The following PDE10A variants were observed in gnomAD, a reference collection of about 807,000 sequenced individuals.
The protein encoded by PDE10A is phosphodiesterase 10A.
PDE10A carries 39 observed loss-of-function variants against 97.7 expected under a neutral mutation model. That is an observed-to-expected ratio of 0.40 (90% CI 0.31 to 0.52). PDE10A has a LOEUF of 0.52. Ranked by LOEUF, PDE10A falls within the 20% of genes least tolerant of loss-of-function variation. PDE10A has a pLI of 0.56. For missense variants in PDE10A, 731 were observed against 1,047.8 expected (o/e 0.70, Z 4.17); for synonymous variants, 371 against 376.8 (o/e 0.98, Z 0.18).
intron 2 of PDE10A, among the ~76,000 whole-genome samples, chr6:165,535,282 GCA>G (rs1192451941): frequency 6.6e-6 from 1 of 151,612 alleles, no homozygotes; most frequent in East Asian, 1.9e-4. Context: ...CAGATACACT[GCA>G]CAGTGGTGAG....
intron 1 of PDE10A, among the ~76,000 whole-genome samples, chr6:165,830,409 C>T (rs1024375080): frequency 6.6e-5 from 10 of 152,168 alleles, no homozygotes; most frequent in African/African-American, 2.4e-4. Context: ...GAATACATTC[C>T]AAAGCCAGGC....
At chr6:165,665,548 T>C (rs1790477314), upstream of PDE10A, among the ~76,000 whole-genome samples, 1 of 152,212 alleles carries the variant, frequency 6.6e-6, no homozygotes, top group African/African-American at 2.4e-5. Context: ...CAAAAGGTTA[T>C]TATACTATAG....
At chr6:165,713,189 A>G (rs1791944556) in intron 1 of PDE10A, among the ~76,000 whole-genome samples, 1 of 152,192 alleles carries the variant, frequency 6.6e-6, no homozygotes, top group African/African-American at 2.4e-5. Context: ...GGAGCAGATC[A>G]CGAGTGCCCG....
chr6:165,792,034 C>G (rs1290606798), intron 1 of PDE10A, among the ~76,000 whole-genome samples: 2 of 152,206 alleles, frequency 1.3e-5, no homozygotes, highest in African/African-American at 4.8e-5. Context: ...CAGGCCCCCG[C>G]ACGCAGCCCA....
At chr6:165,912,087 A>G (rs1208473262) in intron 1 of PDE10A, among the ~76,000 whole-genome samples, 1 of 151,704 alleles carries the variant, frequency 6.6e-6, no homozygotes, top group Admixed American at 6.6e-5. Context: ...ATCATCTATC[A>G]TCTATAAATC....
chr6:165,962,912 T>C (rs777553248), intron 1 of PDE10A, among the ~76,000 whole-genome samples: 36 of 152,198 alleles, frequency 2.4e-4, no homozygotes, highest in East Asian at 5.8e-4. Context: ...TTAGGTGCCA[T>C]ACATTGAACC....
In PDE10A at chr6:165,824,541, C is replaced by T. The variant is rs568744657; in HGVS notation, c.-615+162988G>A. ...ATGCTTATTCATCTAATCTATCAAA[C>T]GTTTATGATCCCAATGAGGCAGAAA... is the stretch of plus-strand genomic sequence containing the variant. On this transcript the variant is annotated intron_variant, in intron 1 of 19. Transcript: ENST00000366882. Among the ~76,000 whole-genome samples, 19 of 152,298 alleles carry T rather than the reference C, an allele frequency of 1.2e-4. No individual in the cohort carries two copies. The South Asian group carries it at 1.9e-3, about 15-fold the overall frequency.
At chr6:165,641,024 T>A (rs913368018) in intron 1 of PDE10A, among the ~76,000 whole-genome samples, 1 of 152,164 alleles carries the variant, frequency 6.6e-6, no homozygotes, top group African/African-American at 2.4e-5. Context: ...TGGCCAGCCC[T>A]TCAGCTCCTT....
intron 1 of PDE10A, among the ~76,000 whole-genome samples, chr6:165,551,261 C>A (rs1784000749): frequency 6.6e-6 from 1 of 152,148 alleles, no homozygotes; most frequent in Non-Finnish European, 1.5e-5. Flanking sequence ...CTTTCAGAAT[C>A]CCAAAATTCA....
chr6:165,481,492 T>C (rs1284767940), intron 3 of PDE10A, among the ~76,000 whole-genome samples: 2 of 152,176 alleles, frequency 1.3e-5, no homozygotes, highest in African/African-American at 4.8e-5. Context: ...TATATCTGCA[T>C]ATGTGATTCT....
At chr6:165,601,615 C>A (rs1786954620) in intron 1 of PDE10A, among the ~76,000 whole-genome samples, 1 of 152,122 alleles carries the variant, frequency 6.6e-6, no homozygotes, top group African/African-American at 2.4e-5. Context: ...TCTTTAGATG[C>A]CACAGCCCCC....
At chr6:165,340,136 C>A (rs1364244711) in intron 19 of PDE10A, among the ~76,000 whole-genome samples, 1 of 152,160 alleles carries the variant, frequency 6.6e-6, no homozygotes, top group Admixed American at 6.5e-5. Flanking sequence ...AATATTATTT[C>A]ATTTAATCCT....
intron 1 of PDE10A, among the ~76,000 whole-genome samples, chr6:165,605,832 A>T (rs1583631471): frequency 6.6e-6 from 1 of 152,236 alleles, no homozygotes; most frequent in East Asian, 1.9e-4. Flanking sequence ...GGAGAGAGAC[A>T]CTTGTCCAAG....
chr6:165,386,190 A>G (rs2128211435), intron 17 of PDE10A, among the ~76,000 whole-genome samples: 1 of 151,794 alleles, frequency 6.6e-6, no homozygotes, highest in East Asian at 1.9e-4. Context: ...ACCACCCTAA[A>G]CCTCCATTTT....
intron 1 of PDE10A, among the ~76,000 whole-genome samples, chr6:165,557,202 G>A (rs981392641): frequency 1.3e-5 from 2 of 152,124 alleles, no homozygotes; most frequent in Admixed American, 6.6e-5. Flanking sequence ...ACTGTCTTGA[G>A]AGAGATTAAA....
intron 2 of PDE10A, among the ~76,000 whole-genome samples, chr6:165,502,387 C>T (rs912715891): frequency 6.6e-6 from 1 of 152,160 alleles, no homozygotes; most frequent in Non-Finnish European, 1.5e-5. Context: ...AACTAAAACA[C>T]ATAAAATTCT....
At chr6:165,984,660 CA>C (rs1276983896) in intron 1 of PDE10A, among the ~76,000 whole-genome samples, 1 of 151,810 alleles carries the variant, frequency 6.6e-6, no homozygotes, top group African/African-American at 2.4e-5. Context: ...TACAACCATA[CA>C]AATAAAGTCA....
chr6:165,431,376 C>G, intron 8 of PDE10A, 46 bp downstream of exon 8: 1 of 1,375,696 alleles, frequency 7.3e-7, no homozygotes, highest in Non-Finnish European at 1.0e-6. Flanking sequence ...CTCCAAAAAC[C>G]TCTTCTCCCT....
chr6:165,691,038 C>T (rs1245845396), intron 1 of PDE10A, among the ~76,000 whole-genome samples: 10 of 144,510 alleles, frequency 6.9e-5, no homozygotes, highest in Admixed American at 2.1e-4. Context: ...CCTGTGGTCA[C>T]GTAAGCCAAT....
Sources: gnomAD v4.1 joint callset for allele counts (sites outside exome capture counted in the v4.1 genomes callset) on GRCh38, gnomAD v4.1.1 for gene constraint, MANE v1.5 for transcripts, NCBI Gene and HGNC (gene_info 2026-07-23, HGNC 2026-07-21) for gene names.